The following ASIC2 variants were observed in gnomAD, a reference collection of about 807,000 sequenced individuals.
The protein encoded by ASIC2 is acid-sensing ion channel 2.
A neutral mutation model predicts 57.3 loss-of-function variants in ASIC2; 25 were observed. That is an observed-to-expected ratio of 0.44 (90% confidence interval 0.32 to 0.61). ASIC2 has a LOEUF of 0.61. ASIC2 is among the 20% of genes least tolerant of loss of function. The probability of loss-of-function intolerance (pLI) is 0.06; values close to 1 mark genes in which losing one functional copy is unlikely to be tolerated. For synonymous variants in ASIC2, 319 were observed against 307.5 expected (o/e 1.04, Z -0.39); for missense variants, 641 against 738.1 (o/e 0.87, Z 1.52).
rs2228989 is a variant in ASIC2, at chr17:34,156,251, C to G, written c.282G>C (p.Leu94=). The change falls in exon 1 of 10, where the codon CTG becomes CTC. Residue 94 remains leucine, a synonymous_variant. Coordinates refer to the ASIC2 transcript ENST00000359872. This position sits in a 1 kb window ranked among gnomAD's most constrained non-coding sequence, Gnocchi z 4.4. ...TGAGCCTGGAGAACCGGAAGCCATT[C>G]AGGTTACAGAGGGTCACAGCTGGGA... The G allele has an allele frequency of 0.2, 327,896 of 1,613,964 alleles. 36,605 individuals are homozygous for G. Among genetic ancestry groups the G allele is most frequent in the Admixed American group, 0.37 (22,430 of 59,994 alleles).
At chr17:33,748,518 A>T (rs527683415) in intron 1 of ASIC2, among the ~76,000 whole-genome samples, 1 of 152,326 alleles carries the variant, frequency 6.6e-6, no homozygotes, top group East Asian at 1.9e-4. Context: ...GCTTCCTGAT[A>T]GGAAAGAAAA....
In ASIC2 at chr17:34,153,769, G is replaced by A. The variant is rs1431669797; in HGVS notation, c.555+2209C>T. Among the ~76,000 whole-genome samples, 6 of 152,162 alleles carry A rather than the reference G, an allele frequency of 3.9e-5. No homozygotes were observed. In the East Asian group the frequency reaches 1.2e-3, roughly 29 times the overall value. ...ACATAGAGGGCCAGCCTGAGGAATG[G>A]ACACTCAAATAGATTACTCTTGAAC... is the stretch of plus-strand genomic sequence containing the variant. On this transcript the variant is annotated intron_variant, in intron 1 of 9. Coordinates refer to the ASIC2 transcript ENST00000359872.
chr17:33,755,593 T>C (rs1396102726), intron 1 of ASIC2, among the ~76,000 whole-genome samples: 1 of 152,220 alleles, frequency 6.6e-6, no homozygotes, highest in Admixed American at 6.5e-5. Flanking sequence ...AGTTGATCAT[T>C]TAACACCCTT....
intron 1 of ASIC2, among the ~76,000 whole-genome samples, chr17:34,112,393 A>G (rs1911302888): frequency 6.6e-6 from 1 of 151,592 alleles, no homozygotes; most frequent in Non-Finnish European, 1.5e-5. Context: ...AATACAAATG[A>G]TGATCCTTCT....
chr17:33,830,378 A>G (rs1913065167), intron 1 of ASIC2, among the ~76,000 whole-genome samples: 1 of 151,706 alleles, frequency 6.6e-6, no homozygotes, highest in Admixed American at 6.6e-5. Flanking sequence ...TGGGCCCTTC[A>G]CCTGTTCTTG....
At chr17:33,098,480 G>A (rs949809513) in intron 2 of ASIC2, among the ~76,000 whole-genome samples, 1 of 152,122 alleles carries the variant, frequency 6.6e-6, no homozygotes, top group Non-Finnish European at 1.5e-5. Flanking sequence ...AGCTTCTGGA[G>A]GAAGAAAAAA....
intron 1 of ASIC2, chr17:33,131,505 C>G (rs2092345912): frequency 6.6e-6 from 1 of 152,254 alleles, no homozygotes; most frequent in Non-Finnish European, 1.5e-5. Context: ...CTATCCTAGC[C>G]CCTGAGCCAG....
At chr17:33,577,245 T>C (rs1235403605) in intron 1 of ASIC2, among the ~76,000 whole-genome samples, 1 of 151,944 alleles carries the variant, frequency 6.6e-6, no homozygotes, top group Admixed American at 6.6e-5. Context: ...TTAAGAGGAG[T>C]CCAAGGCTTC....
chr17:33,993,675 T>C (rs760993080), intron 1 of ASIC2, among the ~76,000 whole-genome samples: 2 of 152,196 alleles, frequency 1.3e-5, no homozygotes, highest in Non-Finnish European at 2.9e-5. Context: ...GGGTAGCACA[T>C]AAATGGATAC....
intron 1 of ASIC2, among the ~76,000 whole-genome samples, chr17:33,629,856 G>T (rs11657190): frequency 0.3 from 46,030 of 152,040 alleles, 7,166 homozygotes; most frequent in East Asian, 0.42. Flanking sequence ...GAAGAGCTAA[G>T]GATGATTATG....
chr17:33,946,275 C>T (rs1904371534), intron 1 of ASIC2, among the ~76,000 whole-genome samples: 1 of 152,084 alleles, frequency 6.6e-6, no homozygotes, highest in Admixed American at 6.5e-5. Context: ...CTTCTCTTGT[C>T]ATCTTACCAT....
intron 1 of ASIC2, among the ~76,000 whole-genome samples, chr17:33,355,553 T>G (rs1908344100): frequency 6.6e-6 from 1 of 152,156 alleles, no homozygotes; most frequent in South Asian, 2.1e-4. Context: ...CTTCCTCCCT[T>G]TTGAATTTCT....
intron 1 of ASIC2, among the ~76,000 whole-genome samples, chr17:34,030,532 G>A (rs79202786): frequency 0.023 from 3,451 of 152,254 alleles, 129 homozygotes; most frequent in African/African-American, 0.079. Context: ...GCAGTGCACC[G>A]TGCGCGAGCT....
intron 1 of ASIC2, among the ~76,000 whole-genome samples, chr17:34,151,052 A>G (rs1904496582): frequency 6.6e-6 from 1 of 151,158 alleles, no homozygotes; most frequent in Non-Finnish European, 1.5e-5. Flanking sequence ...GCAGTGAGCT[A>G]AGATCGCACA....
At chr17:34,145,499 T>C (rs1228665615) in intron 1 of ASIC2, among the ~76,000 whole-genome samples, 2 of 152,200 alleles carry the variant, frequency 1.3e-5, no homozygotes, top group Non-Finnish European at 2.9e-5. Flanking sequence ...CAATAAGCAA[T>C]TGTCTGGCCT....
intron 1 of ASIC2, among the ~76,000 whole-genome samples, chr17:33,185,921 C>T (rs551467290): frequency 5.3e-5 from 8 of 152,270 alleles, no homozygotes; most frequent in African/African-American, 1.9e-4. Flanking sequence ...TAGGCAAGGG[C>T]TGTCCTGGCC....
At chr17:33,047,685 CAGT>C (rs957936091) in intron 3 of ASIC2, among the ~76,000 whole-genome samples, 3 of 152,146 alleles carry the variant, frequency 2.0e-5, no homozygotes, top group Admixed American at 1.3e-4. Flanking sequence ...TAAATGATTT[CAGT>C]TGTATATGGC....
chr17:33,027,586 A>G (rs996266723), intron 4 of ASIC2, among the ~76,000 whole-genome samples: 1 of 152,212 alleles, frequency 6.6e-6, no homozygotes, highest in Admixed American at 6.5e-5. Context: ...AAAGTTCATA[A>G]ACGTGAGAAC....
chr17:34,147,643 A>G (rs1189850065), intron 1 of ASIC2, among the ~76,000 whole-genome samples: 2 of 152,186 alleles, frequency 1.3e-5, no homozygotes, highest in Non-Finnish European at 2.9e-5. Flanking sequence ...GTGAAATATG[A>G]TATATGGAGT....
Sources: gnomAD v4.1 joint callset for allele counts (sites outside exome capture counted in the v4.1 genomes callset) on GRCh38, gnomAD v4.1.1 for gene constraint, Gnocchi (gnomAD v3.1) non-coding constraint, MANE v1.5 for transcripts, NCBI Gene and HGNC (gene_info 2026-07-23, HGNC 2026-07-21) for gene names.